Variants in MYRIP observed in about 807,000 individuals in gnomAD.
The protein encoded by MYRIP is myosin VIIA and Rab interacting protein.
Under a neutral mutation model 98.0 loss-of-function variants are expected in MYRIP, and 49 were observed. That is an observed-to-expected ratio of 0.50 (90% CI 0.40 to 0.63). The LOEUF (loss-of-function observed/expected upper bound fraction) is 0.63, where lower values mean the gene tolerates loss of function less well. MYRIP is among the 30% of genes least tolerant of loss of function. MYRIP has a pLI of 0.00. For missense variants in MYRIP, 1,004 were observed against 1,058.2 expected (o/e 0.95, Z 0.71); for synonymous variants, 404 against 409.5 (o/e 0.99, Z 0.16).
intron 3 of MYRIP, among the ~76,000 whole-genome samples, chr3:40,138,284 C>T (rs1949823002): frequency 6.6e-6 from 1 of 152,082 alleles, no homozygotes; most frequent in South Asian, 2.1e-4. Flanking sequence ...CAGTGAGTAC[C>T]AAGGGTCTGG....
At chr3:40,170,130 G>C (rs755336447) in intron 8 of MYRIP, 37 bp downstream of exon 8, 8 of 1,610,084 alleles carry the variant, frequency 5.0e-6, no homozygotes, top group Non-Finnish European at 8.5e-7. Context: ...CCCTCCACAC[G>C]TGCAGGTCTG....
intron 1 of MYRIP, among the ~76,000 whole-genome samples, chr3:39,813,895 T>C (rs1940784131): frequency 6.9e-6 from 1 of 144,758 alleles, no homozygotes; most frequent in Admixed American, 6.9e-5. Context: ...ACCTGTCTTA[T>C]CTATTTTTGT....
chr3:39,819,819 AG>A (rs1382924401), intron 1 of MYRIP, among the ~76,000 whole-genome samples: 4 of 152,256 alleles, frequency 2.6e-5, no homozygotes, highest in Non-Finnish European at 5.9e-5. Context: ...GAAAGTAAAA[AG>A]AACTTTATGA....
At chr3:39,824,708 G>A (rs921211223) in intron 1 of MYRIP, among the ~76,000 whole-genome samples, 1 of 144,740 alleles carries the variant, frequency 6.9e-6, no homozygotes, top group Non-Finnish European at 1.5e-5. Context: ...CCGACTGATC[G>A]TTTTTTTTTT....
chr3:40,197,064 A>T (rs1951411198), intron 10 of MYRIP, among the ~76,000 whole-genome samples: 1 of 152,122 alleles, frequency 6.6e-6, no homozygotes, highest in Non-Finnish European at 1.5e-5. Context: ...CCTTTTTGGC[A>T]CCAGGGACCA....
intron 2 of MYRIP, among the ~76,000 whole-genome samples, chr3:40,001,112 C>T (rs1185411168): frequency 2.6e-5 from 4 of 152,018 alleles, no homozygotes; most frequent in African/African-American, 9.7e-5. Context: ...AAAAATTTAA[C>T]AAGCATAACT....
At chr3:39,996,035 C>T (rs896918597) in intron 2 of MYRIP, among the ~76,000 whole-genome samples, 2 of 152,148 alleles carry the variant, frequency 1.3e-5, no homozygotes, top group African/African-American at 4.8e-5. Flanking sequence ...GAAGGAAGCA[C>T]TAAACATGGA....
intron 8 of MYRIP, among the ~76,000 whole-genome samples, chr3:40,174,999 C>T (rs977772712): frequency 7.9e-5 from 12 of 152,044 alleles, no homozygotes; most frequent in South Asian, 4.2e-4. Flanking sequence ...AAAAATTAGC[C>T]GGGCATGGTG....
chr3:40,091,933 TA>T (rs1948743154), intron 3 of MYRIP, among the ~76,000 whole-genome samples: 1 of 152,198 alleles, frequency 6.6e-6, no homozygotes, highest in African/African-American at 2.4e-5. Flanking sequence ...TACTCCCTGG[TA>T]ATGGTGCCAA....
intron 2 of MYRIP, among the ~76,000 whole-genome samples, chr3:39,997,211 C>T (rs1575449590): frequency 6.6e-6 from 1 of 151,766 alleles, no homozygotes; most frequent in South Asian, 2.1e-4. Context: ...AATAGAGACA[C>T]AAAAAACCCT....
intron 1 of MYRIP, among the ~76,000 whole-genome samples, chr3:39,879,899 A>T (rs1321766996): frequency 2.0e-5 from 3 of 151,996 alleles, no homozygotes; most frequent in African/African-American, 4.8e-5. Context: ...TCCCACTACC[A>T]CCTCAATTTC....
intron 8 of MYRIP, among the ~76,000 whole-genome samples, chr3:40,172,916 C>T (rs1288755559): frequency 6.6e-6 from 1 of 152,196 alleles, no homozygotes; most frequent in Non-Finnish European, 1.5e-5. Context: ...TTCTCTGACC[C>T]TGTCTCATTT....
At chr3:40,234,325 C>A (rs929269932) in intron 12 of MYRIP, among the ~76,000 whole-genome samples, 1 of 152,170 alleles carries the variant, frequency 6.6e-6, no homozygotes, top group Non-Finnish European at 1.5e-5. Context: ...AGAATCCAAG[C>A]AAGGACATGA....
At chr3:40,031,842 T>A (rs969493558) in intron 2 of MYRIP, among the ~76,000 whole-genome samples, 2 of 152,316 alleles carry the variant, frequency 1.3e-5, no homozygotes, top group Non-Finnish European at 2.9e-5. Context: ...ATATCCCCTT[T>A]ATCATTTTTT....
chr3:40,229,770 C>T (rs1367539094), intron 11 of MYRIP, among the ~76,000 whole-genome samples: 2 of 152,082 alleles, frequency 1.3e-5, no homozygotes, highest in Non-Finnish European at 2.9e-5. Flanking sequence ...GGGGCTGTGA[C>T]ACAGACTGAA....
intron 11 of MYRIP, among the ~76,000 whole-genome samples, chr3:40,219,911 C>G (rs1433810495): frequency 6.7e-6 from 1 of 148,754 alleles, no homozygotes; most frequent in Non-Finnish European, 1.5e-5. Flanking sequence ...AATCGCCACA[C>G]TGACTTCCAC....
At chr3:40,216,316 A>T (rs535985246) in intron 11 of MYRIP, among the ~76,000 whole-genome samples, 2 of 152,298 alleles carry the variant, frequency 1.3e-5, no homozygotes, top group East Asian at 3.9e-4. Flanking sequence ...CAGAACTCTC[A>T]CCCCACAGAA....
At chr3:40,028,737 A>G (rs935392697) in intron 2 of MYRIP, among the ~76,000 whole-genome samples, 1 of 152,206 alleles carries the variant, frequency 6.6e-6, no homozygotes, top group African/African-American at 2.4e-5. Context: ...CAAAGCAGGT[A>G]GCCTGTCTTG....
intron 11 of MYRIP, chr3:40,232,781 G>C (rs1010365238): frequency 1.3e-5 from 2 of 152,208 alleles, no homozygotes; most frequent in African/African-American, 4.8e-5. Context: ...CCCAAATCCG[G>C]GTTGATTGTA....
Sources: allele counts gnomAD v4.1 joint callset (sites outside exome capture counted in the v4.1 genomes callset), GRCh38; gene constraint gnomAD v4.1.1; transcripts MANE v1.5; gene names NCBI Gene and HGNC (gene_info 2026-07-23, HGNC 2026-07-21).